Variants in ADAMTS4 observed in about 807,000 individuals in gnomAD.
ADAMTS4 encodes the protein ADAM metallopeptidase with thrombospondin type 1 motif 4, also known as A disintegrin and metalloproteinase with thrombospondin motifs 4.
In ADAMTS4, 38 loss-of-function variants were observed where a neutral mutation model predicts 66.7. The observed-to-expected ratio is 0.57, with a 90% CI of 0.44 to 0.75. The LOEUF is 0.75. ADAMTS4 is among the 30% of genes least tolerant of loss of function. The probability of loss-of-function intolerance (pLI) is 0.00; values close to 1 mark genes in which losing one functional copy is unlikely to be tolerated. For missense variants in ADAMTS4, 1,014 were observed against 1,116.7 expected (o/e 0.91, Z 1.31); for synonymous variants, 418 against 461.5 (o/e 0.91, Z 1.21).
In ADAMTS4 at chr1:161,195,564, G is replaced by T. The variant is rs150496191; in HGVS notation, c.1162C>A (p.Arg388Ser). 1 of 1,614,014 alleles carries T rather than the reference G, an allele frequency of 6.2e-7. No homozygotes were observed. The highest frequency in any genetic ancestry group is 1.7e-5 in the Admixed American group (1 of 59,996). The change falls in exon 4 of 9, where the codon CGC (arginine) becomes AGC (serine). Residue 388 changes from arginine (R) to serine (S), a missense_variant. Arg to Ser is a moderately radical substitution (Grantham distance 110). Transcript: ENST00000367996. Reference protein sequence around the residue: ...ISLNGPLSTSRHVMAPVMAHV... With the variant: ...ISLNGPLSTSSHVMAPVMAHV... ...GCCATCACAGGGGCCATGACATGGC[G>T]AGAGGTGCTCAAAGGCCCATTCAAA...
Position 161,191,226 on chromosome 1 carries a change from G to T in ADAMTS4, c.2426C>A (p.Thr809Lys). 1 of 1,613,076 alleles carries T rather than the reference G, an allele frequency of 6.2e-7. No homozygotes were observed. The highest frequency in any genetic ancestry group is 8.5e-7 in the Non-Finnish European group (1 of 1,179,482). ...CCAGTCCTGGGGAGTGGGGCGTGGC[G>T]TTGAAGGGGTCGGCCGGGGCACGAA... ...SFFVPRPTPSTPRPTPQDWLH... is the reference protein window; with the variant it reads ...SFFVPRPTPSKPRPTPQDWLH... The change falls in exon 9 of 9, where the codon ACG becomes AAG. Residue 809 changes from threonine to lysine, a missense_variant. By Grantham distance (78) the Thr-to-Lys change is moderately conservative (BLOSUM62 -1). Transcript: ENST00000367996.
At position 161,188,423 on chromosome 1, in the gene ADAMTS4, T is replaced by TTTTTTTG. The variant is rs1664587882; in HGVS notation, c.*2714_*2715insCAAAAAA. The TTTTTTTG allele has an allele frequency of 8.6e-5, 13 of 150,502 alleles. No individual in the cohort carries two copies. In the South Asian group the frequency reaches 2.7e-3, roughly 32 times the overall value. 9.3% of individuals were successfully genotyped at this position (150,502 alleles called of 1,614,324 possible). ...CTAATTTTTCAATCTTTTTTTTTTT[T>TTTTTTTG]GGTAGAGATGGAATCTTTCTATGTT... is the stretch of plus-strand genomic sequence containing the variant. On this transcript the variant is annotated 3_prime_UTR_variant, in exon 9 of 9. Coordinates refer to ENST00000367996, the MANE Select transcript of ADAMTS4 (RefSeq NM_005099.6).
chr1:161,196,375 C>T, intron 2 of ADAMTS4, 72 bp from the exon 3 acceptor site: 2 of 1,543,414 alleles, frequency 1.3e-6, no homozygotes, highest in South Asian at 2.5e-5. Flanking sequence ...GATCCAGATT[C>T]CCGGGGACCT....
chr1:161,192,222 AG>A lies in ADAMTS4; in HGVS notation c.1929del (p.Cys644ValfsTer86). 2 of 1,613,832 alleles carry A rather than the reference AG, an allele frequency of 1.2e-6. No individual in the cohort carries two copies. The highest frequency in any genetic ancestry group is 1.7e-6 in the Non-Finnish European group (2 of 1,179,824). ...CAGACCGAGGAGCTGTCCGGGGAAC[AG>A]GGGGTCCCATCTACCACCTGAGGAA... Reference protein sequence around the residue: ...VLEPRVVDGTPCSPDSSSVCV... With the variant: ...VLEPRVVDGTXCSPDSSSVCV... On this transcript the variant is annotated frameshift_variant, in exon 8 of 9. Transcript: ENST00000367996. LOFTEE classifies it high-confidence loss of function.
chr1:161,191,221 G>A lies in ADAMTS4; in HGVS notation c.2431C>T (p.Arg811Cys), dbSNP rs753559369. 9.9e-6 allele frequency: 16 copies of A among 1,612,354 alleles called. No homozygotes were observed. The highest frequency in any genetic ancestry group is 3.3e-5 in the South Asian group (3 of 90,998). Residue 811 changes from arginine to cysteine, a missense_variant, in exon 9 of 9, where the codon CGC becomes TGC. Transcript: ENST00000367996. The stretch of plus-strand genomic sequence containing the variant: ...TGCAGCCAGTCCTGGGGAGTGGGGC[G>A]TGGCGTTGAAGGGGTCGGCCGGGGC... ...FVPRPTPSTP[R>C]PTPQDWLHRR...
chr1:161,193,480 C>A lies in ADAMTS4; in HGVS notation c.1736-92G>T. The A allele has an allele frequency of 6.5e-7, 1 of 1,535,770 alleles. No individual in the cohort carries two copies. Among genetic ancestry groups the A allele is most frequent in the Non-Finnish European group, 8.8e-7 (1 of 1,135,166 alleles). On this transcript the variant is annotated intron_variant, in intron 6 of 8. Coordinates refer to ENST00000367996, the MANE Select transcript of ADAMTS4 (RefSeq NM_005099.6). The surrounding 1 kb of genome is among the most constrained non-coding windows in gnomAD (Gnocchi z 4.4). ...CCCCTGAGAACTCTAGACAGCACAG[C>A]TCTGCTCTTCCCTGCAGACGGCCAA...
In ADAMTS4 at chr1:161,191,077, CTCTT is replaced by C. The variant is rs1664661374; in HGVS notation, c.*57_*60del. Reference sequence around the variant, plus strand: ...AGCATGAGGCAGCAACAGAAGCTCTCTCTTTCTCCCAGCTAAGTCCGAGGCCCCG... The same window carrying C: ...AGCATGAGGCAGCAACAGAAGCTCTCTCTCCCAGCTAAGTCCGAGGCCCCG... On this transcript the variant is annotated 3_prime_UTR_variant, in exon 9 of 9. Transcript: ENST00000367996. 1 of 1,494,190 alleles carries C rather than the reference CTCTT, an allele frequency of 6.7e-7. No individual in the cohort carries two copies. The highest frequency in any genetic ancestry group is 1.4e-5 in the African/African-American group (1 of 71,370). The allele number at this position is 1,494,190 out of a possible 1,614,324, so 92.6% of individuals were successfully genotyped here. A position where few individuals can be genotyped will look rare whatever the true frequency, so the allele number is the denominator to read the frequency against.
At chr1:161,197,958 G>A (rs374362839) in intron 1 of ADAMTS4, 37 bp downstream of exon 1, 8 of 1,523,864 alleles carry the variant, frequency 5.2e-6, no homozygotes, top group East Asian at 2.3e-5. Context: ...GACATGGCGG[G>A]AGGACACCGC....
chr1:161,196,750 T>C lies in ADAMTS4; in HGVS notation c.764A>G (p.His255Arg). 1 of 1,613,312 alleles carries C rather than the reference T, an allele frequency of 6.2e-7. No homozygotes were observed. The highest frequency in any genetic ancestry group is 8.5e-7 in the Non-Finnish European group (1 of 1,179,970). The change falls in exon 2 of 9, where the codon CAC (histidine) becomes CGC (arginine). Residue 255 changes from histidine to arginine, a missense_variant. By Grantham distance (29) the His-to-Arg change is conservative (BLOSUM62 0). Coordinates refer to ENST00000367996, the MANE Select transcript of ADAMTS4 (RefSeq NM_005099.6). The stretch of plus-strand genomic sequence containing the variant: ...GCTGACAGGATTGCGGATGCTTGGG[T>C]GCTTGAAGGCCTTGGCTGCTGCTGC... ...VMAAAAKAFK[H>R]PSIRNPVSLV... is the part of the protein sequence containing the mutation.
chr1:161,192,848 G>A lies in ADAMTS4; in HGVS notation c.1911+365C>T, dbSNP rs529477245. Among the ~76,000 whole-genome samples the A allele has an allele frequency of 2.6e-5, 4 of 151,846 alleles. No individual in the cohort carries two copies. The East Asian group carries it at 5.8e-4, about 22-fold the overall frequency. ...AGGCCTGTCCATTGAGGGACTGGCT[G>A]TCCAGGAGCTGAATGAAACCACCAC... On this transcript the variant is annotated intron_variant, in intron 7 of 8. Transcript: ENST00000367996.
chr1:161,197,409 G>A (rs1664891321), intron 1 of ADAMTS4: 1 of 159,874 alleles, frequency 6.3e-6, no homozygotes, highest in Non-Finnish European at 1.4e-5. Flanking sequence ...GAGACCAGGA[G>A]TGGGAGGGAG....
At chr1:161,196,358 G>T in intron 2 of ADAMTS4, 55 bp from the exon 3 acceptor site, 1 of 1,555,096 alleles carries the variant, frequency 6.4e-7, no homozygotes, top group Non-Finnish European at 8.7e-7. Flanking sequence ...TGGGTCCATT[G>T]GGTTGAGATC....
chr1:161,194,092 G>A lies in ADAMTS4; in HGVS notation c.1391C>T (p.Pro464Leu), dbSNP rs532926718. ...GCACCAGAGGGCAGCACAGGGCGGC[G>A]GCAGCTGTGGACAATGGCGTGAGTC... ...GPDSRHCPQL[P>L]PPCAALWCSG... Residue 464 changes from proline to leucine, a missense_variant, in exon 5 of 9, where the codon CCG (proline) becomes CTG (leucine). Physicochemically the swap from Pro to Leu is moderately conservative, Grantham distance 98. Coordinates refer to ENST00000367996, the MANE Select transcript of ADAMTS4 (RefSeq NM_005099.6). The surrounding 1 kb of genome is among the most constrained non-coding windows in gnomAD (Gnocchi z 4.1). 8.7e-5 allele frequency: 140 copies of A among 1,614,246 alleles called. 2 individuals are homozygous for A. In the South Asian group the frequency reaches 1.2e-3, roughly 14 times the overall value.
In ADAMTS4 at chr1:161,189,645, T is replaced by C. The variant is rs36123104; in HGVS notation, c.*1493A>G. 0.07 allele frequency: 10,709 copies of C among 152,236 alleles called. 422 individuals are homozygous for C. The highest frequency in any genetic ancestry group is 0.15 in the South Asian group (737 of 4,826). 9.4% of individuals were successfully genotyped at this position (152,236 alleles called of 1,614,324 possible). ...AGGATAAAGGCAGGCACCATGGTTG[T>C]GGATCTTTGCCACCTTCAAGTGCAT... is the stretch of plus-strand genomic sequence containing the variant. On this transcript the variant is annotated 3_prime_UTR_variant, in exon 9 of 9. Transcript: ENST00000367996.
chr1:161,197,955 C>G (rs777293949), intron 1 of ADAMTS4, 40 bp downstream of exon 1: 8 of 1,522,886 alleles, frequency 5.3e-6, no homozygotes, highest in Non-Finnish European at 7.1e-6. Flanking sequence ...ACAGACATGG[C>G]GGGAGGACAC....
chr1:161,191,936 G>T, intron 8 of ADAMTS4, 129 bp downstream of exon 8: 3 of 1,159,106 alleles, frequency 2.6e-6, no homozygotes, highest in Non-Finnish European at 3.7e-6. Context: ...CCGCACTGTA[G>T]CTGCCTACTC....
At position 161,191,492 on chromosome 1, in the gene ADAMTS4, A is replaced by G. The variant is rs1034821580; in HGVS notation, c.2160T>C (p.Pro720=). 5.8e-5 allele frequency: 93 copies of G among 1,613,996 alleles called. No individual in the cohort carries two copies. Among genetic ancestry groups the G allele is most frequent in the Non-Finnish European group, 7.5e-5 (88 of 1,179,974 alleles). The change falls in exon 9 of 9, where the codon CCT becomes CCC. Residue 720 remains proline (P), a synonymous_variant. Transcript: ENST00000367996. The stretch of plus-strand genomic sequence containing the variant: ...GGGCCAAGTAGATGCTCCGGTGGCC[A>G]GGGTTTCCCTGCTGCCGGACAAGAA... The part of the protein sequence containing the change: ...THILVRQQGN[P]GHRSIYLALK...
chr1:161,195,743 C>T lies in ADAMTS4; in HGVS notation c.1091-108G>A, dbSNP rs1664804666. On this transcript the variant is annotated intron_variant, in intron 3 of 8. Coordinates refer to ENST00000367996, the MANE Select transcript of ADAMTS4 (RefSeq NM_005099.6). ...GTGGATGATCAGATCCATTACCCACCTCACCCTGCCCCCAGTCCTTTCCTT... is the reference window on the plus strand; with the variant it reads ...GTGGATGATCAGATCCATTACCCACTTCACCCTGCCCCCAGTCCTTTCCTT... 11 of 1,092,714 alleles carry T rather than the reference C, an allele frequency of 1.0e-5. No homozygotes were observed. The South Asian group carries it at 1.3e-4, about 12-fold the overall frequency. 67.7% of individuals were successfully genotyped at this position (1,092,714 alleles called of 1,614,324 possible). A position where few individuals can be genotyped will look rare whatever the true frequency, so the allele number is the denominator to read the frequency against.
At position 161,194,193 on chromosome 1, in the gene ADAMTS4, A is replaced by G; in HGVS notation, c.1290T>C (p.Ala430=). The G allele has an allele frequency of 8.7e-6, 14 of 1,614,014 alleles. No homozygotes were observed. Among genetic ancestry groups the G allele is most frequent in the Non-Finnish European group, 1.2e-5 (14 of 1,179,984 alleles). Residue 430 remains alanine (A), a synonymous_variant, in exon 5 of 9, where the codon GCT becomes GCC. Coordinates refer to ENST00000367996, the MANE Select transcript of ADAMTS4 (RefSeq NM_005099.6). This position sits in a 1 kb window ranked among gnomAD's most constrained non-coding sequence, Gnocchi z 4.1. ...YGHCLLDKPE[A]PLHLPVTFPG... The stretch of plus-strand genomic sequence containing the variant: ...GGAAAGTCACAGGCAGATGCAATGG[A>G]GCCTCTGGTTTGTCTAAGAGACAGT...
Sources: gnomAD v4.1 joint callset for allele counts (sites outside exome capture counted in the v4.1 genomes callset) on GRCh38, gnomAD v4.1.1 for gene constraint, Gnocchi (gnomAD v3.1) non-coding constraint, MANE v1.5 for transcripts, NCBI Gene and HGNC (gene_info 2026-07-23, HGNC 2026-07-21) for gene names.